GRM8: variants seen among roughly 807,000 people sequenced by gnomAD.
GRM8 encodes the protein metabotropic glutamate receptor 8.
In GRM8, 47 loss-of-function variants were observed where a neutral mutation model predicts 87.2. That is an observed-to-expected ratio of 0.54 (90% CI 0.43 to 0.69). GRM8 has a LOEUF of 0.69. Ranked by LOEUF, GRM8 falls within the 30% of genes least tolerant of loss-of-function variation. The probability of loss-of-function intolerance (pLI) is 0.00; values close to 1 mark genes in which losing one functional copy is unlikely to be tolerated. For synonymous variants in GRM8, 396 were observed against 404.5 expected (o/e 0.98, Z 0.25); for missense variants, 1,019 against 1,139.2 (o/e 0.89, Z 1.52).
At chr7:126,803,781 G>A (rs1792356814) in intron 6 of GRM8, among the ~76,000 whole-genome samples, 1 of 152,126 alleles carries the variant, frequency 6.6e-6, no homozygotes, top group Non-Finnish European at 1.5e-5. Flanking sequence ...CCACTTACTT[G>A]GGCAGAGTAT....
intron 8 of GRM8, among the ~76,000 whole-genome samples, chr7:126,542,303 A>C (rs78494938): frequency 0.021 from 3,260 of 152,300 alleles, 102 homozygotes; most frequent in African/African-American, 0.073. Context: ...ATAAACGTGG[A>C]TTTTTACTAG....
At chr7:127,161,906 G>A (rs1698540882) in intron 2 of GRM8, among the ~76,000 whole-genome samples, 1 of 152,080 alleles carries the variant, frequency 6.6e-6, no homozygotes, top group African/African-American at 2.4e-5. Context: ...CTTATTTTAT[G>A]TGCTACTATG....
chr7:126,527,500 A>G (rs184727078), intron 9 of GRM8, among the ~76,000 whole-genome samples: 16 of 152,360 alleles, frequency 1.1e-4, no homozygotes, highest in African/African-American at 3.6e-4. Context: ...GGAAATGGAG[A>G]AATGTCAGGA....
intron 7 of GRM8, among the ~76,000 whole-genome samples, chr7:126,649,128 G>C (rs191604089): frequency 6.6e-6 from 1 of 152,270 alleles, no homozygotes; most frequent in Non-Finnish European, 1.5e-5. Context: ...GACAAAGGAG[G>C]GAGATCCACT....
intron 9 of GRM8, among the ~76,000 whole-genome samples, chr7:126,453,789 T>C (rs2150493895): frequency 6.6e-6 from 1 of 151,942 alleles, no homozygotes; most frequent in East Asian, 2.0e-4. Flanking sequence ...GTCTTTAATT[T>C]TCAATTATTA....
intron 8 of GRM8, among the ~76,000 whole-genome samples, chr7:126,585,837 C>T (rs188556959): frequency 4.9e-4 from 75 of 152,210 alleles, no homozygotes; most frequent in African/African-American, 1.7e-3. Context: ...CCAGGGTAAT[C>T]AGGCAGGAGA....
chr7:126,888,481 G>C (rs1800702130), intron 6 of GRM8, among the ~76,000 whole-genome samples: 1 of 152,090 alleles, frequency 6.6e-6, no homozygotes, highest in Admixed American at 6.6e-5. Context: ...TATCGAACAG[G>C]ATGACCTCCA....
chr7:126,537,191 T>C (rs544086196), intron 8 of GRM8, among the ~76,000 whole-genome samples: 3 of 152,256 alleles, frequency 2.0e-5, no homozygotes, highest in South Asian at 4.1e-4. Flanking sequence ...AGTAAAAAAA[T>C]AAGCAATATG....
intron 6 of GRM8, chr7:126,868,635 C>T (rs1253352993): frequency 6.6e-6 from 1 of 152,192 alleles, no homozygotes; most frequent in African/African-American, 2.4e-5. Flanking sequence ...AAGTGAGACA[C>T]ATGAAATTTT....
intron 6 of GRM8, among the ~76,000 whole-genome samples, chr7:126,893,264 C>A (rs919177521): frequency 2.6e-5 from 4 of 151,956 alleles, no homozygotes; most frequent in African/African-American, 9.6e-5. Context: ...GTTAAATATT[C>A]AGGTAACCAA....
At chr7:126,604,021 A>G (rs1798093208) in intron 8 of GRM8, among the ~76,000 whole-genome samples, 1 of 152,116 alleles carries the variant, frequency 6.6e-6, no homozygotes. Flanking sequence ...TTTATCCAGA[A>G]TAAAAACAAA....
At chr7:126,894,504 T>C (rs1801356460) in intron 6 of GRM8, among the ~76,000 whole-genome samples, 2 of 152,058 alleles carry the variant, frequency 1.3e-5, no homozygotes, top group South Asian at 4.1e-4. Flanking sequence ...TGAGCATTTT[T>C]CTGTTTTAAA....
chr7:126,527,595 C>A (rs1562922130), intron 9 of GRM8, among the ~76,000 whole-genome samples: 1 of 152,198 alleles, frequency 6.6e-6, no homozygotes, highest in East Asian at 1.9e-4. Flanking sequence ...GACACTATTT[C>A]CGCAGGATTT....
At chr7:127,101,245 T>C (rs1825212104) in intron 3 of GRM8, among the ~76,000 whole-genome samples, 1 of 152,184 alleles carries the variant, frequency 6.6e-6, no homozygotes, top group Non-Finnish European at 1.5e-5. Flanking sequence ...CAGGCCAAGA[T>C]TGTTATTGCA....
chr7:126,773,703 A>T (rs1191770290), intron 6 of GRM8, among the ~76,000 whole-genome samples: 1 of 152,112 alleles, frequency 6.6e-6, no homozygotes, highest in Non-Finnish European at 1.5e-5. Context: ...AGCATTTCTT[A>T]AAAAATAAAC....
At chr7:127,103,466 CT>C (rs2133052423) in intron 3 of GRM8, among the ~76,000 whole-genome samples, 1 of 152,272 alleles carries the variant, frequency 6.6e-6, no homozygotes, top group South Asian at 2.1e-4. Context: ...CTCCTGAGGC[CT>C]CCCCAGTAGT....
At chr7:126,505,533 C>G (rs1810320502) in intron 9 of GRM8, among the ~76,000 whole-genome samples, 1 of 152,042 alleles carries the variant, frequency 6.6e-6, no homozygotes, top group Non-Finnish European at 1.5e-5. Flanking sequence ...AGCAATTGCT[C>G]TGCAAACTAC....
At chr7:126,818,719 G>A (rs1400253648) in intron 6 of GRM8, among the ~76,000 whole-genome samples, 2 of 152,176 alleles carry the variant, frequency 1.3e-5, no homozygotes, top group African/African-American at 2.4e-5. Context: ...CTAGCATTAA[G>A]ATTCTCTTCT....
chr7:126,733,599 AG>A (rs1185687078), intron 7 of GRM8, among the ~76,000 whole-genome samples: 1 of 151,906 alleles, frequency 6.6e-6, no homozygotes, highest in Non-Finnish European at 1.5e-5. Context: ...GTATCAAAGA[AG>A]CATTTATTCC....
Sources: allele counts gnomAD v4.1 joint callset (sites outside exome capture counted in the v4.1 genomes callset), GRCh38; gene constraint gnomAD v4.1.1; transcripts MANE v1.5; gene names NCBI Gene and HGNC (gene_info 2026-07-23, HGNC 2026-07-21).